Variants in LRRC20 observed in about 807,000 individuals in gnomAD.
The protein encoded by LRRC20 is leucine-rich repeat-containing protein 20.
Under a neutral mutation model 14.4 loss-of-function variants are expected in LRRC20, and 11 were observed. That is an observed-to-expected ratio of 0.77 (90% CI 0.48 to 1.27). The LOEUF is 1.27. LRRC20 is among the 50% of genes most tolerant of loss of function. The pLI, the probability that LRRC20 is intolerant of heterozygous loss-of-function variation, is 0.00. For synonymous variants in LRRC20, 121 were observed against 107.3 expected (o/e 1.13, Z -0.79); for missense variants, 219 against 251.2 (o/e 0.87, Z 0.87).
rs1467656966 is a variant in LRRC20, at chr10:70,300,688, C to T, written c.*666G>A. 1.0e-6 allele frequency: 1 copy of T among 985,506 alleles called. No homozygotes were observed. Among genetic ancestry groups the T allele is most frequent in the Non-Finnish European group, 1.2e-6 (1 of 830,090 alleles). The allele number at this position is 985,506 out of a possible 1,614,324, so 61.0% of individuals were successfully genotyped here. ...ATGACAGAGCTGACGTGACTTGCTC[C>T]CCATTCCCAGCCTGCTGGTCCTCGG... On this transcript the variant is annotated 3_prime_UTR_variant, in exon 5 of 5. Coordinates refer to ENST00000446961, the MANE Select transcript of LRRC20 (RefSeq NM_001278212.2).
At chr10:70,337,588 C>T (rs1293298074) in intron 3 of LRRC20, among the ~76,000 whole-genome samples, 1 of 152,178 alleles carries the variant, frequency 6.6e-6, no homozygotes, top group Non-Finnish European at 1.5e-5. Context: ...TCCCCATGCC[C>T]TCTGGGGAGG....
rs1844751274 is a variant in LRRC20, at chr10:70,382,563, C to G, written c.-78G>C. On this transcript the variant is annotated 5_prime_UTR_variant, in exon 1 of 5. Transcript: ENST00000446961. ...GCTCCACTTACGGCGACAATGCCTC[C>G]TAGCGCCCTGCGCAGCGCAGTCACG... is the stretch of plus-strand genomic sequence containing the variant. 1 of 151,966 alleles carries G rather than the reference C, an allele frequency of 6.6e-6. No individual in the cohort carries two copies. The highest frequency in any genetic ancestry group is 1.9e-4 in the East Asian group (1 of 5,162). The allele number at this position is 151,966 out of a possible 1,614,324, so 9.4% of individuals were successfully genotyped here.
chr10:70,319,173 GAAAAAA>G (rs11439728), intron 4 of LRRC20, among the ~76,000 whole-genome samples: 2 of 125,306 alleles, frequency 1.6e-5, no homozygotes, highest in Non-Finnish European at 1.6e-5. Context: ...GGTGTATAGG[GAAAAAA>G]AAAAAAAAAA....
At chr10:70,353,659 C>G (rs906557347) in intron 2 of LRRC20, among the ~76,000 whole-genome samples, 1 of 152,122 alleles carries the variant, frequency 6.6e-6, no homozygotes, top group Admixed American at 6.6e-5. Flanking sequence ...CTCAGATGAT[C>G]CATGAGATGG....
intron 3 of LRRC20, among the ~76,000 whole-genome samples, chr10:70,336,578 C>A (rs1325347153): frequency 2.0e-5 from 3 of 152,206 alleles, no homozygotes; most frequent in Non-Finnish European, 4.4e-5. Flanking sequence ...AGCCAATATG[C>A]CCTCCTTGTC....
chr10:70,316,668 G>A (rs542862616), intron 4 of LRRC20, among the ~76,000 whole-genome samples: 17 of 152,248 alleles, frequency 1.1e-4, no homozygotes, highest in Non-Finnish European at 1.5e-4. Flanking sequence ...CTGCACCCTC[G>A]TGTCTGGGGG....
At chr10:70,351,186 G>GA (rs35179179) in intron 2 of LRRC20, among the ~76,000 whole-genome samples, 11 of 148,616 alleles carry the variant, frequency 7.4e-5, no homozygotes, top group East Asian at 2.0e-4. Flanking sequence ...GTCTCAGAAA[G>GA]AAAAAAAAAA....
At chr10:70,301,579 T>C in intron 4 of LRRC20, 71 bp from the exon 5 acceptor site, 4 of 1,542,366 alleles carry the variant, frequency 2.6e-6, no homozygotes, top group Non-Finnish European at 3.5e-6. Context: ...CAATGGGCCA[T>C]GAGGACTCTG....
intron 4 of LRRC20, among the ~76,000 whole-genome samples, chr10:70,318,349 G>C (rs1205928003): frequency 6.6e-6 from 1 of 152,138 alleles, no homozygotes; most frequent in Non-Finnish European, 1.5e-5. Flanking sequence ...GCTGGTCCTG[G>C]GACCACACTT....
chr10:70,305,283 C>A (rs1413701934), intron 4 of LRRC20, among the ~76,000 whole-genome samples: 5 of 152,230 alleles, frequency 3.3e-5, no homozygotes, highest in African/African-American at 1.2e-4. Flanking sequence ...TTGTTCCCAT[C>A]GCTTGGCTAT....
intron 2 of LRRC20, among the ~76,000 whole-genome samples, chr10:70,357,663 C>G (rs576614432): frequency 6.6e-6 from 1 of 151,690 alleles, no homozygotes; most frequent in Non-Finnish European, 1.5e-5. Context: ...CCAAAAAAAA[C>G]CCTCCTTCCT....
At chr10:70,380,196 G>A (rs1483002806) in intron 1 of LRRC20, among the ~76,000 whole-genome samples, 5 of 152,116 alleles carry the variant, frequency 3.3e-5, no homozygotes, top group Non-Finnish European at 7.4e-5. Flanking sequence ...GTGTACACAG[G>A]TACAGGAACA....
chr10:70,341,761 C>T lies in LRRC20; in HGVS notation c.83-1059G>A, dbSNP rs147318229. The stretch of plus-strand genomic sequence containing the variant: ...CCAGCCTGGGCAACAGAACAAGACT[C>T]CGTCTCCCCACCAAAAAAATTTTTA... On this transcript the variant is annotated intron_variant, in intron 2 of 4. Transcript: ENST00000446961. Among the ~76,000 whole-genome samples, 670 of 152,078 alleles carry T rather than the reference C, an allele frequency of 4.4e-3. 4 individuals carry two copies. The highest frequency in any genetic ancestry group is 0.02 in the Middle Eastern group (6 of 294).
intron 3 of LRRC20, among the ~76,000 whole-genome samples, chr10:70,327,615 T>C (rs1842379320): frequency 6.6e-6 from 1 of 152,098 alleles, no homozygotes; most frequent in Non-Finnish European, 1.5e-5. Context: ...TAACTAACGC[T>C]TATTACTATG....
chr10:70,336,461 T>G (rs765705634), intron 3 of LRRC20, among the ~76,000 whole-genome samples: 2 of 152,190 alleles, frequency 1.3e-5, no homozygotes, highest in Non-Finnish European at 2.9e-5. Context: ...TTCAGGAAGC[T>G]AAACAACAAT....
At chr10:70,345,737 AAAT>A (rs1216577281) in intron 2 of LRRC20, among the ~76,000 whole-genome samples, 1 of 152,252 alleles carries the variant, frequency 6.6e-6, no homozygotes, top group Non-Finnish European at 1.5e-5. Context: ...CCTATCCAAC[AAAT>A]AATAGAATCA....
chr10:70,372,584 G>A (rs922669667), intron 2 of LRRC20, among the ~76,000 whole-genome samples: 13 of 151,804 alleles, frequency 8.6e-5, no homozygotes, highest in African/African-American at 2.4e-5. Flanking sequence ...TGGGACTACA[G>A]GTGCCCGCCA....
At chr10:70,317,464 T>G (rs1841905938) in intron 4 of LRRC20, among the ~76,000 whole-genome samples, 1 of 152,150 alleles carries the variant, frequency 6.6e-6, no homozygotes, top group East Asian at 1.9e-4. Context: ...CTTGAACTCC[T>G]GGGCTCAAGT....
intron 2 of LRRC20, among the ~76,000 whole-genome samples, chr10:70,354,413 G>A (rs539229173): frequency 6.6e-6 from 1 of 152,266 alleles, no homozygotes; most frequent in South Asian, 2.1e-4. Context: ...TAAGTAGCAA[G>A]GGCTACTCCA....
Sources: allele counts gnomAD v4.1 joint callset (sites outside exome capture counted in the v4.1 genomes callset), GRCh38; gene constraint gnomAD v4.1.1; transcripts MANE v1.5; gene names NCBI Gene and HGNC (gene_info 2026-07-23, HGNC 2026-07-21).